The following EPS15 variants were observed in gnomAD, a reference collection of about 807,000 sequenced individuals.
EPS15 encodes the protein epidermal growth factor receptor pathway substrate 15, also known as epidermal growth factor receptor substrate 15.
Under a neutral mutation model 113.8 loss-of-function variants are expected in EPS15, and 72 were observed. The ratio of observed to expected loss-of-function variants is 0.63; its 90% CI spans 0.52 to 0.77. The LOEUF (loss-of-function observed/expected upper bound fraction) is 0.77, where lower values mean the gene tolerates loss of function less well. Ranked by LOEUF, EPS15 falls within the 30% of genes least tolerant of loss-of-function variation. The pLI is 0.00. For synonymous variants in EPS15, 344 were observed against 363.4 expected (o/e 0.95, Z 0.61); for missense variants, 1,048 against 1,045.8 (o/e 1.00, Z -0.03).
chr1:51,363,052 C>T (rs1475988410), intron 23 of EPS15, among the ~76,000 whole-genome samples: 2 of 152,116 alleles, frequency 1.3e-5, no homozygotes, highest in African/African-American at 4.8e-5. Flanking sequence ...AATCCCAGCA[C>T]TTTGGGAGGC....
intron 7 of EPS15, 121 bp from the exon 8 acceptor site, chr1:51,461,271 C>T: frequency 1.5e-6 from 1 of 681,492 alleles, no homozygotes; most frequent in Non-Finnish European, 2.6e-6. Flanking sequence ...CCTCCCAGCA[C>T]TTTGAGAGGC....
At chr1:51,391,184 AATC>A (rs1325100927) in intron 21 of EPS15, among the ~76,000 whole-genome samples, 1 of 152,172 alleles carries the variant, frequency 6.6e-6, no homozygotes, top group African/African-American at 2.4e-5. Context: ...TGAAACTGGA[AATC>A]ATCATTCTCA....
chr1:51,487,982 A>T (rs906691738), intron 1 of EPS15, among the ~76,000 whole-genome samples: 4 of 152,318 alleles, frequency 2.6e-5, no homozygotes, highest in African/African-American at 4.8e-5. Context: ...TGAACAGAGG[A>T]AAAAATTGAA....
At chr1:51,372,898 A>G in intron 21 of EPS15, 1 of 783,884 alleles carries the variant, frequency 1.3e-6, no homozygotes, top group Middle Eastern at 5.3e-4. Context: ...ACCTGGAAAA[A>G]ACAGCCACAG....
chr1:51,392,154 AAAG>A (rs1203323063), intron 21 of EPS15, among the ~76,000 whole-genome samples: 1 of 152,232 alleles, frequency 6.6e-6, no homozygotes, highest in African/African-American at 2.4e-5. Context: ...AAGAATGACC[AAAG>A]AGGCAGGTGG....
At chr1:51,466,826 T>C (rs1654876876) in intron 5 of EPS15, among the ~76,000 whole-genome samples, 1 of 152,000 alleles carries the variant, frequency 6.6e-6, no homozygotes, top group Non-Finnish European at 1.5e-5. Context: ...GCCCAGGAAT[T>C]CAAGGCTAGC....
chr1:51,401,112 A>G (rs1648508437), intron 18 of EPS15, 159 bp from the exon 19 acceptor site: 1 of 515,456 alleles, frequency 1.9e-6, no homozygotes. Flanking sequence ...CTTATGAAAT[A>G]TACAGCCAAC....
chr1:51,461,191 A>C, intron 7 of EPS15, 41 bp from the exon 8 acceptor site: 4 of 1,399,256 alleles, frequency 2.9e-6, no homozygotes, highest in Non-Finnish European at 4.1e-6. Context: ...ATGTTCTTTC[A>C]GTTCATGTTC....
chr1:51,387,443 C>G (rs1037617581), intron 21 of EPS15, among the ~76,000 whole-genome samples: 2 of 151,408 alleles, frequency 1.3e-5, no homozygotes, highest in African/African-American at 4.8e-5. Context: ...AACATCATAA[C>G]GACAGGATCA....
At chr1:51,481,433 T>C (rs1025472127) in intron 1 of EPS15, 119 bp from the exon 2 acceptor site, 4 of 633,274 alleles carry the variant, frequency 6.3e-6, no homozygotes, top group Non-Finnish European at 1.1e-5. Flanking sequence ...ATCCTTGATT[T>C]CAGGGGTTAG....
intron 8 of EPS15, among the ~76,000 whole-genome samples, chr1:51,460,080 G>A (rs145329121): frequency 6.6e-6 from 1 of 152,154 alleles, no homozygotes; most frequent in Non-Finnish European, 1.5e-5. Flanking sequence ...GACAAAATCA[G>A]ATTAAGTAAA....
chr1:51,457,533 TTTC>T (rs1654103974), intron 8 of EPS15: 2 of 148,130 alleles, frequency 1.4e-5, no homozygotes, highest in African/African-American at 5.0e-5. Flanking sequence ...TTTTTTTTTT[TTTC>T]CAGATTCTGG....
At chr1:51,358,627 T>A (rs1460765762) in intron 24 of EPS15, among the ~76,000 whole-genome samples, 2 of 152,302 alleles carry the variant, frequency 1.3e-5, no homozygotes, top group East Asian at 3.9e-4. Context: ...TAAGCTGTTT[T>A]TTATTATACT....
Position 51,385,672 on chromosome 1 carries a change from CAAAT to C in EPS15, c.2119+8705_2119+8708del, listed in dbSNP as rs528782011. Among the ~76,000 whole-genome samples the C allele has an allele frequency of 1.5e-3, 232 of 151,946 alleles. 1 individual carries two copies. Among genetic ancestry groups the C allele is most frequent in the African/African-American group, 5.3e-3 (220 of 41,410 alleles). On this transcript the variant is annotated intron_variant, in intron 21 of 24. Coordinates refer to ENST00000371733, the MANE Select transcript of EPS15 (RefSeq NM_001981.3). ...AACTAAGTGTCCATTAATGAATGAACAAATAAACAAAATGCAGTATATACATATA... is the reference window on the plus strand; with the variant it reads ...AACTAAGTGTCCATTAATGAATGAACAAACAAAATGCAGTATATACATATA...
chr1:51,488,752 A>G (rs957079622), intron 1 of EPS15, among the ~76,000 whole-genome samples: 8 of 152,136 alleles, frequency 5.3e-5, no homozygotes, highest in Non-Finnish European at 1.0e-4. Context: ...TCCTTTCTTT[A>G]GTAATAGTAC....
At chr1:51,366,722 T>C (rs930251005) in intron 21 of EPS15, among the ~76,000 whole-genome samples, 1 of 152,198 alleles carries the variant, frequency 6.6e-6, no homozygotes, top group Non-Finnish European at 1.5e-5. Context: ...TAATGCCACA[T>C]TTCACACTCA....
At chr1:51,415,265 C>T (rs1650098716) in intron 13 of EPS15, among the ~76,000 whole-genome samples, 1 of 152,144 alleles carries the variant, frequency 6.6e-6, no homozygotes, top group Admixed American at 6.5e-5. Flanking sequence ...CTTCTTTCTG[C>T]CCTTTCTCTC....
chr1:51,361,606 C>A (rs1020642982), intron 23 of EPS15, among the ~76,000 whole-genome samples: 2 of 152,164 alleles, frequency 1.3e-5, no homozygotes, highest in Admixed American at 6.5e-5. Flanking sequence ...GGCCAGGAAT[C>A]ATATTTTTGT....
At chr1:51,504,272 A>G (rs1644460697) in intron 1 of EPS15, among the ~76,000 whole-genome samples, 1 of 151,988 alleles carries the variant, frequency 6.6e-6, no homozygotes, top group South Asian at 2.1e-4. Flanking sequence ...TAGCTGGGCA[A>G]GGTGGCGTGC....
Sources: allele counts gnomAD v4.1 joint callset (sites outside exome capture counted in the v4.1 genomes callset), GRCh38; gene constraint gnomAD v4.1.1; transcripts MANE v1.5; gene names NCBI Gene and HGNC (gene_info 2026-07-23, HGNC 2026-07-21).